PTPRD: variants seen among roughly 807,000 people sequenced by gnomAD.
PTPRD encodes receptor-type tyrosine-protein phosphatase delta.
In PTPRD, 34 loss-of-function variants were observed where a neutral mutation model predicts 214.5. That is an observed-to-expected ratio of 0.16 (90% CI 0.12 to 0.21). PTPRD has a LOEUF of 0.21. Ranked by LOEUF, PTPRD falls within the 10% of genes least tolerant of loss-of-function variation. The probability of loss-of-function intolerance (pLI) is 1.00; values close to 1 mark genes in which losing one functional copy is unlikely to be tolerated. For synonymous variants in PTPRD, 1,128 were observed against 845.7 expected (o/e 1.33, Z -5.79); for missense variants, 2,545 against 2,398.7 (o/e 1.06, Z -1.27).
intron 14 of PTPRD, among the ~76,000 whole-genome samples, chr9:8,529,877 A>G (rs7048923): frequency 0.23 from 35,689 of 152,020 alleles, 4,528 homozygotes; most frequent in African/African-American, 0.34. Context: ...TGCCATGTTG[A>G]TTTGCTGTAC....
intron 11 of PTPRD, among the ~76,000 whole-genome samples, chr9:8,805,067 T>C (rs896938278): frequency 6.6e-6 from 1 of 152,208 alleles, no homozygotes; most frequent in African/African-American, 2.4e-5. Context: ...TCATGAGACC[T>C]GTGCTGATCA....
chr9:10,493,975 T>G (rs1377748847), intron 2 of PTPRD, among the ~76,000 whole-genome samples: 1 of 151,990 alleles, frequency 6.6e-6, no homozygotes, highest in East Asian at 1.9e-4. Context: ...CATACTGTAT[T>G]CAACATTAAT....
intron 37 of PTPRD, among the ~76,000 whole-genome samples, chr9:8,386,098 C>T (rs890966762): frequency 3.9e-5 from 6 of 152,178 alleles, no homozygotes; most frequent in African/African-American, 1.4e-4. Flanking sequence ...TTGCCACATC[C>T]TTTATCTCAG....
intron 9 of PTPRD, among the ~76,000 whole-genome samples, chr9:9,252,778 T>C (rs1017014737): frequency 3.3e-5 from 5 of 152,134 alleles, no homozygotes; most frequent in Admixed American, 2.0e-4. Context: ...TTCTGGGTTA[T>C]TCATTGCTGG....
chr9:10,287,178 G>A (rs1311661747), intron 3 of PTPRD, among the ~76,000 whole-genome samples: 1 of 152,120 alleles, frequency 6.6e-6, no homozygotes, highest in African/African-American at 2.4e-5. Context: ...TTCCACTTTT[G>A]GACCAAAGGT....
chr9:9,510,607 A>G (rs1486196241), intron 8 of PTPRD, among the ~76,000 whole-genome samples: 1 of 151,528 alleles, frequency 6.6e-6, no homozygotes, highest in African/African-American at 2.4e-5. Flanking sequence ...TTACTTTTAA[A>G]TATCTTACTA....
At chr9:10,355,473 T>A (rs1194079566) in intron 2 of PTPRD, among the ~76,000 whole-genome samples, 1 of 151,358 alleles carries the variant, frequency 6.6e-6, no homozygotes, top group African/African-American at 2.4e-5. Context: ...CTGCTATATT[T>A]CTTTTCTTTT....
At chr9:10,538,089 A>T (rs1226678662) in intron 2 of PTPRD, among the ~76,000 whole-genome samples, 4 of 151,980 alleles carry the variant, frequency 2.6e-5, no homozygotes, top group African/African-American at 9.7e-5. Flanking sequence ...AGTCTTAATC[A>T]AATTGCTTAA....
At chr9:9,662,958 C>T (rs970525265) in intron 7 of PTPRD, among the ~76,000 whole-genome samples, 8 of 151,498 alleles carry the variant, frequency 5.3e-5, no homozygotes, top group Non-Finnish European at 8.9e-5. Context: ...ATGGAGGCAT[C>T]AGTTGGGCTC....
intron 3 of PTPRD, among the ~76,000 whole-genome samples, chr9:10,108,840 T>G (rs1237545266): frequency 6.7e-6 from 1 of 148,902 alleles, no homozygotes; most frequent in African/African-American, 2.5e-5. Flanking sequence ...GACATTATGT[T>G]AACTGAATTA....
At chr9:8,883,850 A>C (rs945207658) in intron 11 of PTPRD, among the ~76,000 whole-genome samples, 1 of 152,222 alleles carries the variant, frequency 6.6e-6, no homozygotes, top group African/African-American at 2.4e-5. Flanking sequence ...TGGATATTAG[A>C]GCCTACCAAA....
intron 10 of PTPRD, among the ~76,000 whole-genome samples, chr9:9,102,882 A>G (rs1261623617): frequency 6.6e-6 from 1 of 152,218 alleles, no homozygotes; most frequent in Non-Finnish European, 1.5e-5. Flanking sequence ...CTAGTTTCCA[A>G]TAGAATGAAT....
chr9:9,589,231 T>C lies in PTPRD; in HGVS notation c.-286-14450A>G, dbSNP rs191492537. Among the ~76,000 whole-genome samples, 50 of 152,070 alleles carry C rather than the reference T, an allele frequency of 3.3e-4. No individual in the cohort carries two copies. The East Asian group carries it at 7.2e-3, about 22-fold the overall frequency. On this transcript the variant is annotated intron_variant, in intron 7 of 45. Transcript: ENST00000381196. Reference sequence around the variant, plus strand: ...ATATTTGATAGTAAAACATAGCACATAGTAGCATACAGCAGACAAAATCAG... The same window carrying C: ...ATATTTGATAGTAAAACATAGCACACAGTAGCATACAGCAGACAAAATCAG...
chr9:9,440,692 G>A (rs1307060659), intron 8 of PTPRD, among the ~76,000 whole-genome samples: 3 of 152,124 alleles, frequency 2.0e-5, no homozygotes, highest in Non-Finnish European at 2.9e-5. Flanking sequence ...AAATCTATTT[G>A]TTCATTAATC....
chr9:9,395,687 C>G (rs1037131125), intron 9 of PTPRD, among the ~76,000 whole-genome samples: 4 of 152,012 alleles, frequency 2.6e-5, no homozygotes, highest in Non-Finnish European at 5.9e-5. Flanking sequence ...TGGCATCTAC[C>G]CCCTTTTCTC....
chr9:9,100,539 G>C (rs1219125845), intron 10 of PTPRD, among the ~76,000 whole-genome samples: 1 of 152,114 alleles, frequency 6.6e-6, no homozygotes, highest in African/African-American at 2.4e-5. Context: ...TGATCAGGTA[G>C]ACAGAACATT....
intron 11 of PTPRD, among the ~76,000 whole-genome samples, chr9:8,943,424 G>C (rs2099045446): frequency 1.3e-5 from 2 of 151,784 alleles, no homozygotes; most frequent in South Asian, 4.2e-4. Context: ...GATAAAAAGA[G>C]ACAAATAGGT....
intron 3 of PTPRD, among the ~76,000 whole-genome samples, chr9:10,086,140 G>A (rs1265185660): frequency 1.3e-5 from 2 of 151,772 alleles, no homozygotes; most frequent in East Asian, 3.9e-4. Context: ...GGCACGTAAT[G>A]AGGGCTAAAA....
chr9:8,380,006 C>G (rs1474047812), intron 37 of PTPRD, among the ~76,000 whole-genome samples: 1 of 152,058 alleles, frequency 6.6e-6, no homozygotes, highest in Non-Finnish European at 1.5e-5. Context: ...AACACTTAAC[C>G]CAAATGGCTG....
Sources: gnomAD v4.1 joint callset for allele counts (sites outside exome capture counted in the v4.1 genomes callset) on GRCh38, gnomAD v4.1.1 for gene constraint, MANE v1.5 for transcripts, NCBI Gene and HGNC (gene_info 2026-07-23, HGNC 2026-07-21) for gene names.